The following GRAMD1C variants were observed in gnomAD, a reference collection of about 807,000 sequenced individuals.
GRAMD1C encodes GRAM domain containing 1C, also known as protein Aster-C.
Under a neutral mutation model 97.8 loss-of-function variants are expected in GRAMD1C, and 89 were observed. The observed-to-expected ratio is 0.91, with a 90% CI of 0.77 to 1.09. GRAMD1C has a LOEUF of 1.09. Ranked by LOEUF, GRAMD1C falls within the 50% of genes least tolerant of loss-of-function variation. The pLI is 0.00. For synonymous variants in GRAMD1C, 256 were observed against 267.0 expected, an observed-to-expected ratio of 0.96 and a Z score of 0.40; for missense variants, 740 against 766.4, an observed-to-expected ratio of 0.97 and a Z score of 0.41.
At position 113,869,394 on chromosome 3, in the gene GRAMD1C, G is replaced by C. The variant is rs1447158459; in HGVS notation, c.175-113G>C. 7 of 665,466 alleles carry C rather than the reference G, an allele frequency of 1.1e-5. No homozygotes were observed. In the East Asian group the frequency reaches 1.1e-4, roughly 11 times the overall value. 41.2% of individuals were successfully genotyped at this position (665,466 alleles called of 1,614,324 possible). A position where few individuals can be genotyped will look rare whatever the true frequency, so the allele number is the denominator to read the frequency against. On this transcript the variant is annotated intron_variant, in intron 2 of 17. Transcript: ENST00000358160. ...GTTTTTGAAATGTTTATTTATATAA[G>C]GACATACAAAATATTGCATAGAAAG...
intron 5 of GRAMD1C, among the ~76,000 whole-genome samples, chr3:113,881,491 G>A (rs562311837): frequency 1.3e-5 from 2 of 152,336 alleles, no homozygotes; most frequent in South Asian, 4.1e-4. Context: ...TTTGAAGTTG[G>A]ATATCTAGCA....
At chr3:113,920,850 G>T (rs984840288) in intron 10 of GRAMD1C, among the ~76,000 whole-genome samples, 3 of 152,034 alleles carry the variant, frequency 2.0e-5, no homozygotes, top group Non-Finnish European at 4.4e-5. Context: ...CCAAAATTCG[G>T]GGGTCTTTTA....
At chr3:113,834,108 T>C (rs770359807), upstream of GRAMD1C, among the ~76,000 whole-genome samples, 13 of 151,914 alleles carry the variant, frequency 8.6e-5, no homozygotes, top group Non-Finnish European at 1.5e-4. Flanking sequence ...AAGTTGGTAC[T>C]GCTGAAGAGT....
chr3:113,856,586 C>T (rs6785260), intron 2 of GRAMD1C, among the ~76,000 whole-genome samples: 4,385 of 152,270 alleles, frequency 0.029, 233 homozygotes, highest in African/African-American at 0.1. Context: ...GTCGCCCAGG[C>T]GGGAGTGCAG....
Position 113,945,677 on chromosome 3 carries a change from T to G in GRAMD1C, c.*199T>G. ...CCTTAATAATCCATCCTTTCACTTC[T>G]TATAGATATTTTTAAGCTGTGAATT... On this transcript the variant is annotated 3_prime_UTR_variant, in exon 18 of 18. Transcript: ENST00000358160. 2.0e-6 allele frequency: 1 copy of G among 505,190 alleles called. No homozygotes were observed. The highest frequency in any genetic ancestry group is 3.5e-6 in the Non-Finnish European group (1 of 286,708). 31.3% of individuals were successfully genotyped at this position (505,190 alleles called of 1,614,324 possible).
intron 6 of GRAMD1C, among the ~76,000 whole-genome samples, chr3:113,884,419 C>G (rs1176254219): frequency 6.6e-6 from 1 of 152,104 alleles, no homozygotes; most frequent in Non-Finnish European, 1.5e-5. Context: ...ATGAAAACAA[C>G]AACAAAACAT....
rs72954630 is a variant in GRAMD1C, at chr3:113,912,472, G to A, written c.953-3229G>A. The stretch of plus-strand genomic sequence containing the variant: ...ATTTTGGTTTTTCTTGGTTGAGCAC[G>A]GTGGCTCATGCCCGTAATCCCAGTA... On this transcript the variant is annotated intron_variant, in intron 9 of 17. Coordinates refer to ENST00000358160, the MANE Select transcript of GRAMD1C (RefSeq NM_017577.5). Among the ~76,000 whole-genome samples the A allele has an allele frequency of 2.6e-4, 40 of 152,096 alleles. No homozygotes were observed. In the East Asian group the frequency reaches 3.3e-3, roughly 12 times the overall value.
intron 6 of GRAMD1C, among the ~76,000 whole-genome samples, chr3:113,889,503 CT>C (rs1935634495): frequency 6.6e-6 from 1 of 152,122 alleles, no homozygotes. Context: ...GGTTGTTTAA[CT>C]TTGGATATGT....
intron 10 of GRAMD1C, among the ~76,000 whole-genome samples, chr3:113,923,410 T>C (rs996665103): frequency 2.0e-5 from 3 of 152,192 alleles, no homozygotes; most frequent in African/African-American, 4.8e-5. Flanking sequence ...CGGTTTGTCA[T>C]AGGTGACTCT....
At chr3:113,907,896 CCT>C in intron 8 of GRAMD1C, among the ~76,000 whole-genome samples, 1 of 152,202 alleles carries the variant, frequency 6.6e-6, no homozygotes, top group South Asian at 2.1e-4. Context: ...TTAAGGGGCC[CCT>C]GGTTTAGCTA....
intron 6 of GRAMD1C, chr3:113,897,559 G>A: frequency 1.0e-6 from 1 of 982,858 alleles, no homozygotes. Flanking sequence ...GACAGATAAT[G>A]TGCTTTAAAC....
At chr3:113,870,104 G>A (rs1934736826) in intron 3 of GRAMD1C, among the ~76,000 whole-genome samples, 3 of 152,074 alleles carry the variant, frequency 2.0e-5, no homozygotes, top group South Asian at 4.1e-4. Context: ...ACTCATGCCT[G>A]TTATCCCAGC....
chr3:113,933,197 A>T lies in GRAMD1C; in HGVS notation c.1210-314A>T, dbSNP rs372376505. ...ACTGCGTCTGGCCTAATTTTTTATTAAAAAAAATTTTTTTTGTAGAGGCTG... is the reference window on the plus strand; with the variant it reads ...ACTGCGTCTGGCCTAATTTTTTATTTAAAAAAATTTTTTTTGTAGAGGCTG... On this transcript the variant is annotated intron_variant, in intron 11 of 17. Transcript: ENST00000358160. Among the ~76,000 whole-genome samples the T allele has an allele frequency of 2.0e-5, 3 of 150,724 alleles. No homozygotes were observed. The East Asian group carries it at 5.8e-4, about 29-fold the overall frequency.
intron 9 of GRAMD1C, chr3:113,913,136 A>T: frequency 7.8e-7 from 1 of 1,278,598 alleles, no homozygotes; most frequent in Non-Finnish European, 1.0e-6. Context: ...AGGAAGATCT[A>T]CTCTGGCCCC....
chr3:113,845,499 C>T (rs1181485772), intron 2 of GRAMD1C, among the ~76,000 whole-genome samples: 1 of 152,024 alleles, frequency 6.6e-6, no homozygotes, highest in Admixed American at 6.6e-5. Context: ...TGAGACCAGC[C>T]TGGGTAACAT....
intron 15 of GRAMD1C, chr3:113,938,704 C>T (rs150256912): frequency 1.3e-4 from 20 of 152,344 alleles, no homozygotes; most frequent in African/African-American, 4.3e-4. Flanking sequence ...AATACTGGGA[C>T]AATGTCTGAA....
intron 5 of GRAMD1C, 82 bp from the exon 6 acceptor site, chr3:113,882,670 C>G: frequency 2.5e-6 from 2 of 795,554 alleles, no homozygotes; most frequent in Non-Finnish European, 4.4e-6. Flanking sequence ...TAACCATAAG[C>G]AAGTCCGCAT....
At chr3:113,918,737 C>T (rs1936926247) in intron 10 of GRAMD1C, among the ~76,000 whole-genome samples, 1 of 152,152 alleles carries the variant, frequency 6.6e-6, no homozygotes, top group African/African-American at 2.4e-5. Context: ...GCTCTGTTGC[C>T]CAGTCTGGAG....
chr3:113,936,394 C>A lies in GRAMD1C; in HGVS notation c.1585C>A (p.Gln529Lys), dbSNP rs761327755. ...AGAAACAGTTCCTAAACTTTCCTCT[C>A]AGCATTCCTCTGGAGATGTGGGCTT... Reference protein sequence around the residue: ...TAETVPKLSSQHSSGDVGLGA... With the variant: ...TAETVPKLSSKHSSGDVGLGA... Residue 529 changes from glutamine to lysine, a missense_variant, in exon 14 of 18, where the codon CAG becomes AAG. Transcript: ENST00000358160. The A allele has an allele frequency of 1.9e-6, 3 of 1,613,416 alleles. No homozygotes were observed. The Admixed American group carries it at 5.0e-5, about 27-fold the overall frequency.
Sources: allele counts gnomAD v4.1 joint callset (sites outside exome capture counted in the v4.1 genomes callset), GRCh38; gene constraint gnomAD v4.1.1; transcripts MANE v1.5; gene names NCBI Gene and HGNC (gene_info 2026-07-23, HGNC 2026-07-21).